The following POM121C variants were observed in gnomAD, a reference collection of about 807,000 sequenced individuals.
POM121C encodes POM121 transmembrane nucleoporin C, also known as nuclear envelope pore membrane protein POM 121C.
POM121C carries 20 observed loss-of-function variants against 66.4 expected under a neutral mutation model. The observed-to-expected ratio is 0.30, with a 90% CI of 0.21 to 0.44. POM121C has a LOEUF of 0.44. Ranked by LOEUF, POM121C falls within the 20% of genes least tolerant of loss-of-function variation. The probability of loss-of-function intolerance (pLI) is 1.00; values close to 1 mark genes in which losing one functional copy is unlikely to be tolerated. For synonymous variants in POM121C, 286 were observed against 528.0 expected, an observed-to-expected ratio of 0.54 and a Z score of 6.28; for missense variants, 580 against 1,225.7, an observed-to-expected ratio of 0.47 and a Z score of 7.87.
chr7:75,468,357 G>A (rs188184172), intron 3 of POM121C, among the ~76,000 whole-genome samples: 6 of 120,844 alleles, frequency 5.0e-5, no homozygotes, highest in Admixed American at 1.1e-4. Context: ...TCACTCTGTC[G>A]CCCAGGCTGG....
intron 10 of POM121C, 185 bp downstream of exon 10, chr7:75,424,889 G>A: frequency 7.6e-7 from 1 of 1,314,088 alleles, no homozygotes; most frequent in East Asian, 2.5e-5. Context: ...GAACTCAGGA[G>A]GCAGAGGTTA....
chr7:75,466,145 C>T (rs1273854498), intron 3 of POM121C, among the ~76,000 whole-genome samples: 2 of 150,672 alleles, frequency 1.3e-5, no homozygotes, highest in Non-Finnish European at 2.9e-5. Context: ...ACGTCAAATC[C>T]TGTGAGATGC....
intron 7 of POM121C, among the ~76,000 whole-genome samples, chr7:75,435,534 T>C (rs1475684146): frequency 2.0e-5 from 3 of 152,170 alleles, no homozygotes; most frequent in African/African-American, 7.2e-5. Context: ...AAGGAAAACA[T>C]AGAAATCCCT....
chr7:75,476,025 A>C (rs1315495606), intron 1 of POM121C, among the ~76,000 whole-genome samples: 31 of 152,080 alleles, frequency 2.0e-4, no homozygotes, highest in African/African-American at 7.2e-4. Flanking sequence ...CATGCCTATA[A>C]TCCTAGCACT....
chr7:75,431,230 A>G (rs1554472309), intron 7 of POM121C, among the ~76,000 whole-genome samples: 1 of 152,210 alleles, frequency 6.6e-6, no homozygotes, highest in Admixed American at 6.5e-5. Context: ...ACTTAGCAGA[A>G]TGGCTAAAGA....
chr7:75,419,324 C>A lies in POM121C; in HGVS notation c.2862G>T (p.Pro954=), dbSNP rs1128185. 40 of 1,610,526 alleles carry A rather than the reference C, an allele frequency of 2.5e-5. No individual in the cohort carries two copies. Among genetic ancestry groups the A allele is most frequent in the Middle Eastern group, 3.3e-4 (2 of 6,064 alleles). The part of the protein sequence containing the change: ...APAQGFVGVG[P]FGSAAPSFSI... ...ACAGGGTGGCTTGCTGCTTACCGAA[C>A]GGTCCAACACCAACAAAGCCTTGGG... The change falls in exon 14 of 15, where the codon CCG becomes CCT. Residue 954 remains proline, a synonymous_variant. Transcript: ENST00000615331.
chr7:75,417,030 G>C lies in POM121C; in HGVS notation c.*1766C>G, dbSNP rs1466031591. On this transcript the variant is annotated 3_prime_UTR_variant, in exon 15 of 15. Coordinates refer to ENST00000615331, the MANE Select transcript of POM121C (RefSeq NM_001099415.3). ...CAAGCTCAGGTACTGACACTAGGAG[G>C]GTCTACCTTACATAAGGTACAGGTA... is the stretch of plus-strand genomic sequence containing the variant. 1 of 1,204,960 alleles carries C rather than the reference G, an allele frequency of 8.3e-7. No homozygotes were observed. Among genetic ancestry groups the C allele is most frequent in the Non-Finnish European group, 1.0e-6 (1 of 963,136 alleles). The allele number at this position is 1,204,960 out of a possible 1,614,324, so 74.6% of individuals were successfully genotyped here. A position where few individuals can be genotyped will look rare whatever the true frequency, so the allele number is the denominator to read the frequency against.
At position 75,424,520 on chromosome 7, in the gene POM121C, C is replaced by T. The variant is rs781815647; in HGVS notation, c.871+6G>A. The stretch of plus-strand genomic sequence containing the variant: ...TCTCGAGAGTGCAACGATCTGTGCT[C>T]CTTACCACTCTTGTCCTCCAAGGCC... On this transcript the variant is annotated splice_donor_region_variant and intron_variant, in intron 11 of 14. Coordinates refer to ENST00000615331, the MANE Select transcript of POM121C (RefSeq NM_001099415.3). The T allele has an allele frequency of 3.7e-6, 6 of 1,613,614 alleles. No homozygotes were observed. In the South Asian group the frequency reaches 5.5e-5, roughly 15 times the overall value.
At chr7:75,460,384 C>A (rs1554476856) in intron 3 of POM121C, among the ~76,000 whole-genome samples, 1 of 151,984 alleles carries the variant, frequency 6.6e-6, no homozygotes, top group African/African-American at 2.4e-5. Flanking sequence ...TACCTATAGT[C>A]CCAGCTACTC....
chr7:75,423,287 T>C, intron 12 of POM121C, 84 bp from the exon 13 acceptor site: 1 of 1,541,042 alleles, frequency 6.5e-7, no homozygotes, highest in Non-Finnish European at 8.8e-7. Flanking sequence ...TCCCCACGCC[T>C]ACCACAGAGC....
At chr7:75,451,610 GC>G (rs1430515489) in intron 3 of POM121C, among the ~76,000 whole-genome samples, 1 of 110,808 alleles carries the variant, frequency 9.0e-6, no homozygotes, top group African/African-American at 3.6e-5. Flanking sequence ...ATAGGCATGG[GC>G]AAAGTCTTCA....
rs782448898 is a variant in POM121C, at chr7:75,424,526, C to T, written c.871G>A (p.Asp291Asn). 6.2e-7 allele frequency: 1 copy of T among 1,613,750 alleles called. No individual in the cohort carries two copies. The highest frequency in any genetic ancestry group is 1.7e-5 in the Admixed American group (1 of 60,006). ...GAGTGCAACGATCTGTGCTCCTTAC[C>T]ACTCTTGTCCTCCAAGGCCTGGTTG... ...WFNQALEDKSDAASNSVTETP... is the reference protein window; with the variant it reads ...WFNQALEDKSNAASNSVTETP... The change falls in exon 11 of 15, where the codon GAT becomes AAT. Residue 291 changes from aspartate (D) to asparagine (N), a missense_variant and splice_region_variant. Physicochemically the swap from Asp to Asn is conservative, Grantham distance 23. Transcript: ENST00000615331.
Position 75,465,899 on chromosome 7 carries a change from A to G in POM121C, c.-152+8805T>C, listed in dbSNP as rs1186718539. On this transcript the variant is annotated intron_variant, in intron 3 of 14. Coordinates refer to ENST00000615331, the MANE Select transcript of POM121C (RefSeq NM_001099415.3). Reference sequence around the variant, plus strand: ...CAACAGAGTGACACCCTGTCTCAAAAAAAAAAAAAAAAAAAAAAAAAAAAA... The same window carrying G: ...CAACAGAGTGACACCCTGTCTCAAAGAAAAAAAAAAAAAAAAAAAAAAAAA... Among the ~76,000 whole-genome samples, 430 of 144,098 alleles carry G rather than the reference A, an allele frequency of 3.0e-3. 2 individuals are homozygous for G. The highest frequency in any genetic ancestry group is 0.01 in the African/African-American group (407 of 38,878). 94.5% of individuals were successfully genotyped at this position (144,098 alleles called of 152,430 possible).
At chr7:75,477,729 G>A (rs1229000595) in intron 1 of POM121C, among the ~76,000 whole-genome samples, 1 of 151,322 alleles carries the variant, frequency 6.6e-6, no homozygotes, top group Non-Finnish European at 1.5e-5. Context: ...AGGAGCTTGA[G>A]ACCAGCCTTG....
chr7:75,473,555 G>C (rs2923705), intron 3 of POM121C, among the ~76,000 whole-genome samples: 1 of 152,152 alleles, frequency 6.6e-6, no homozygotes, highest in Non-Finnish European at 1.5e-5. Flanking sequence ...GGGGAAATAA[G>C]GTACACCACA....
chr7:75,461,240 G>C (rs1554476967), intron 3 of POM121C, among the ~76,000 whole-genome samples: 1 of 151,950 alleles, frequency 6.6e-6, no homozygotes, highest in African/African-American at 2.4e-5. Context: ...GAAATAGGAA[G>C]CTTAGACCAT....
intron 14 of POM121C, 43 bp from the exon 15 acceptor site, chr7:75,418,936 G>C: frequency 6.5e-7 from 1 of 1,546,964 alleles, no homozygotes; most frequent in South Asian, 1.2e-5. Flanking sequence ...GCTGCTACCT[G>C]AGACTCTGGC....
chr7:75,467,568 C>G (rs1294028308), intron 3 of POM121C, among the ~76,000 whole-genome samples: 1 of 145,972 alleles, frequency 6.9e-6, no homozygotes, highest in African/African-American at 2.5e-5. Flanking sequence ...TAATATAAAG[C>G]AGGCGGAATA....
intron 7 of POM121C, among the ~76,000 whole-genome samples, chr7:75,436,768 C>A (rs587631655): frequency 1.3e-5 from 2 of 152,226 alleles, no homozygotes; most frequent in Non-Finnish European, 2.9e-5. Context: ...CTTATAGCTA[C>A]TAGATGTCAG....
Sources: gnomAD v4.1 joint callset for allele counts (sites outside exome capture counted in the v4.1 genomes callset) on GRCh38, gnomAD v4.1.1 for gene constraint, MANE v1.5 for transcripts, NCBI Gene and HGNC (gene_info 2026-07-23, HGNC 2026-07-21) for gene names.